Variants in PTPRQ observed in about 807,000 individuals in gnomAD.
PTPRQ encodes phosphatidylinositol phosphatase PTPRQ.
PTPRQ carries 199 observed loss-of-function variants against 246.0 expected under a neutral mutation model. The ratio of observed to expected loss-of-function variants is 0.81; its 90% CI spans 0.72 to 0.91. PTPRQ has a LOEUF of 0.91. PTPRQ is among the 40% of genes least tolerant of loss of function. PTPRQ has a pLI of 0.00. For synonymous variants in PTPRQ, 869 were observed against 853.2 expected (o/e 1.02, Z -0.32); for missense variants, 2,624 against 2,528.4 (o/e 1.04, Z -0.81).
chr12:80,557,312 A>G (rs1317600790), intron 25 of PTPRQ, among the ~76,000 whole-genome samples: 1 of 150,864 alleles, frequency 6.6e-6, no homozygotes. Flanking sequence ...AATTTTCCAT[A>G]CTCCTTTCCT....
At chr12:80,454,942 C>T (rs369441270) in intron 3 of PTPRQ, among the ~76,000 whole-genome samples, 140 of 152,198 alleles carry the variant, frequency 9.2e-4, no homozygotes, top group African/African-American at 3.2e-3. Context: ...TTTGGGAGGC[C>T]GAGGCGGGCG....
chr12:80,669,553 C>T (rs1900902607), intron 41 of PTPRQ, 89 bp downstream of exon 41: 1 of 1,444,700 alleles, frequency 6.9e-7, no homozygotes, highest in East Asian at 2.5e-5. Flanking sequence ...AGAACTATCC[C>T]TTTCAAGGAT....
chr12:80,647,409 T>C (rs1047546842), intron 35 of PTPRQ, among the ~76,000 whole-genome samples: 1 of 152,162 alleles, frequency 6.6e-6, no homozygotes, highest in African/African-American at 2.4e-5. Context: ...TTCTATTCTT[T>C]CCTATTTCTG....
intron 17 of PTPRQ, among the ~76,000 whole-genome samples, chr12:80,532,893 G>C (rs1895885098): frequency 6.6e-6 from 1 of 152,142 alleles, no homozygotes; most frequent in Non-Finnish European, 1.5e-5. Flanking sequence ...TTCTGTGGCA[G>C]TAAAACCATG....
rs185890701 is a variant in PTPRQ, at chr12:80,535,406, A to T, written c.2985+369A>T. Among the ~76,000 whole-genome samples the T allele has an allele frequency of 8.8e-3, 1,343 of 151,960 alleles. 12 individuals are homozygous for T. Among genetic ancestry groups the T allele is most frequent in the Non-Finnish European group, 0.013 (911 of 67,920 alleles). Reference sequence around the variant, plus strand: ...ATCCTCAAAGTTATTTATTAGCTAAATTTTTTTTCATTTGTTTGTATATGA... The same window carrying T: ...ATCCTCAAAGTTATTTATTAGCTAATTTTTTTTTCATTTGTTTGTATATGA... On this transcript the variant is annotated intron_variant, in intron 19 of 44. Transcript: ENST00000644991.
intron 39 of PTPRQ, among the ~76,000 whole-genome samples, chr12:80,667,338 A>C (rs1041008815): frequency 6.6e-6 from 1 of 151,948 alleles, no homozygotes; most frequent in Non-Finnish European, 1.5e-5. Context: ...GGAGAACACT[A>C]TGATAAGTGA....
intron 39 of PTPRQ, among the ~76,000 whole-genome samples, chr12:80,659,198 A>C (rs1315480552): frequency 2.0e-5 from 3 of 152,074 alleles, no homozygotes; most frequent in Non-Finnish European, 2.9e-5. Flanking sequence ...TATTTAAAGA[A>C]TTACATGAAT....
intron 27 of PTPRQ, 84 bp downstream of exon 27, chr12:80,605,264 T>G: frequency 6.7e-7 from 1 of 1,484,928 alleles, no homozygotes; most frequent in East Asian, 2.6e-5. Flanking sequence ...TGAATTTGAA[T>G]TTTGGCTCTG....
In PTPRQ at chr12:80,472,136, C is replaced by G; in HGVS notation, c.1071C>G (p.Leu357=). 6.4e-7 allele frequency: 1 copy of G among 1,551,486 alleles called. No homozygotes were observed. The highest frequency in any genetic ancestry group is 8.7e-7 in the Non-Finnish European group (1 of 1,146,936). The change falls in exon 8 of 45, where the codon CTC becomes CTG. Residue 357 remains leucine (L), a synonymous_variant. Transcript: ENST00000644991. ...GRILDNSTKD[L]KFAFTNLTPF... ...TTTTGGATAACAGCACAAAAGACCT[C>G]AAGTTTGCATTCACTAACCTAACAC...
Position 80,610,420 on chromosome 12 carries a change from T to C in PTPRQ, c.4732-19T>C. On this transcript the variant is annotated intron_variant, in intron 27 of 44. Transcript: ENST00000644991. ...TTTCAAGTGCTGCTTCCTTAATTTT[T>C]ACTTATATTTTCCTATAGGTAGATA... 3.4e-6 allele frequency: 5 copies of C among 1,452,528 alleles called. No homozygotes were observed. Among genetic ancestry groups the C allele is most frequent in the South Asian group, 1.4e-5 (1 of 69,040 alleles). 90.0% of individuals were successfully genotyped at this position (1,452,528 alleles called of 1,614,324 possible). A position where few individuals can be genotyped will look rare whatever the true frequency, so the allele number is the denominator to read the frequency against.
chr12:80,448,301 T>C (rs539575163), intron 3 of PTPRQ, among the ~76,000 whole-genome samples: 1 of 151,740 alleles, frequency 6.6e-6, no homozygotes, highest in Non-Finnish European at 1.5e-5. Context: ...GAGTTGTCGT[T>C]AGAGTTTTCT....
intron 30 of PTPRQ, among the ~76,000 whole-genome samples, chr12:80,616,714 T>C (rs891465682): frequency 7.3e-5 from 11 of 151,184 alleles, no homozygotes; most frequent in Non-Finnish European, 1.3e-4. Flanking sequence ...ACCATGTAGG[T>C]TGGTTTATGA....
chr12:80,576,737 T>TA (rs1210235960), intron 25 of PTPRQ, among the ~76,000 whole-genome samples: 1 of 152,132 alleles, frequency 6.6e-6, no homozygotes, highest in East Asian at 1.9e-4. Flanking sequence ...ATAATATGAG[T>TA]ACTCCTTTCA....
chr12:80,512,189 A>G (rs1341699648), intron 17 of PTPRQ, among the ~76,000 whole-genome samples: 1 of 152,212 alleles, frequency 6.6e-6, no homozygotes, highest in Non-Finnish European at 1.5e-5. Context: ...TAAGTTAGAA[A>G]AAAATTTAAA....
intron 30 of PTPRQ, among the ~76,000 whole-genome samples, chr12:80,617,695 A>G (rs953443209): frequency 2.0e-5 from 3 of 151,454 alleles, no homozygotes; most frequent in Admixed American, 6.6e-5. Context: ...TAGAGAAGAT[A>G]TATGAACAAT....
In PTPRQ at chr12:80,500,246, T is replaced by C. The variant is rs574475502; in HGVS notation, c.2272+3715T>C. ...ATAGGTTCAGCTTATTCCAACTGAT[T>C]ATAATCATTCCTTTTTATCCATCAG... On this transcript the variant is annotated intron_variant, in intron 14 of 44. Coordinates refer to ENST00000644991, the MANE Select transcript of PTPRQ (RefSeq NM_001145026.2). Among the ~76,000 whole-genome samples, 3 of 152,136 alleles carry C rather than the reference T, an allele frequency of 2.0e-5. No homozygotes were observed. The East Asian group carries it at 5.8e-4, about 29-fold the overall frequency.
intron 35 of PTPRQ, among the ~76,000 whole-genome samples, chr12:80,641,173 C>T (rs1233866493): frequency 6.6e-6 from 1 of 152,134 alleles, no homozygotes; most frequent in Non-Finnish European, 1.5e-5. Flanking sequence ...CCAGGCACTC[C>T]CCTGATGCTC....
intron 17 of PTPRQ, among the ~76,000 whole-genome samples, chr12:80,525,081 C>G (rs531079493): frequency 7.3e-4 from 111 of 152,220 alleles, no homozygotes; most frequent in African/African-American, 2.1e-3. Flanking sequence ...TGGACTGTAT[C>G]TATTATGACA....
At chr12:80,641,428 G>A (rs115483914) in intron 35 of PTPRQ, among the ~76,000 whole-genome samples, 2,478 of 152,142 alleles carry the variant, frequency 0.016, 53 homozygotes, top group African/African-American at 0.053. Context: ...GGCTGAATGG[G>A]GCCAAAGCTC....
Sources: gnomAD v4.1 joint callset for allele counts (sites outside exome capture counted in the v4.1 genomes callset) on GRCh38, gnomAD v4.1.1 for gene constraint, MANE v1.5 for transcripts, NCBI Gene and HGNC (gene_info 2026-07-23, HGNC 2026-07-21) for gene names.